Variants in VWA5A observed in about 807,000 individuals in gnomAD.
The protein encoded by VWA5A is von Willebrand factor A domain containing 5A, also known as von Willebrand factor A domain-containing protein 5A.
A neutral mutation model predicts 84.6 loss-of-function variants in VWA5A; 77 were observed. That is an observed-to-expected ratio of 0.91 (90% confidence interval 0.76 to 1.10). The LOEUF is 1.10. Among genes scored for constraint, VWA5A ranks in the 50% least tolerant of loss-of-function variants. The probability of loss-of-function intolerance (pLI) is 0.00; values close to 1 mark genes in which losing one functional copy is unlikely to be tolerated. For synonymous variants in VWA5A, 334 were observed against 350.1 expected, an observed-to-expected ratio of 0.95 and a Z score of 0.51; for missense variants, 973 against 963.0, an observed-to-expected ratio of 1.01 and a Z score of -0.14.
chr11:124,123,805 G>T lies in VWA5A; in HGVS notation c.1164+1G>T, dbSNP rs768491447. ...CTCCATCCCAGGCCACCCCCTACAG[G>T]TAAGAAGTGGAACAGAGCTAACAGA... On this transcript the variant is annotated splice_donor_variant, in intron 10 of 18. Coordinates refer to ENST00000456829, the MANE Select transcript of VWA5A (RefSeq NM_001130142.2). LOFTEE classifies it high-confidence loss of function. The T allele has an allele frequency of 6.4e-7, 1 of 1,561,482 alleles. No homozygotes were observed. Among genetic ancestry groups the T allele is most frequent in the Non-Finnish European group, 8.6e-7 (1 of 1,160,016 alleles).
intron 18 of VWA5A, 26 bp downstream of exon 18, chr11:124,145,389 C>T: frequency 6.3e-7 from 1 of 1,586,224 alleles, no homozygotes; most frequent in Non-Finnish European, 8.6e-7. Flanking sequence ...TAAGGCCTGT[C>T]TCCTTCCCCT....
intron 18 of VWA5A, 62 bp downstream of exon 18, chr11:124,145,425 C>T: frequency 6.6e-7 from 1 of 1,521,936 alleles, no homozygotes; most frequent in East Asian, 2.3e-5. Flanking sequence ...AAGGTGACCA[C>T]AAGAGAGTCC....
At position 124,132,234 on chromosome 11, in the gene VWA5A, C is replaced by T. The variant is rs192717940; in HGVS notation, c.1245-2686C>T. On this transcript the variant is annotated intron_variant, in intron 11 of 18. Transcript: ENST00000456829. ...TATTAATCTCTTTCATATATTTTTT[C>T]ATTCAGTTGGATAATACTTTTTTCA... 2.1e-3 allele frequency among the ~76,000 whole-genome samples: 316 copies of T among 152,026 alleles called. 2 individuals are homozygous for T. The highest frequency in any genetic ancestry group is 4.6e-3 in the Admixed American group (70 of 15,282).
chr11:124,118,970 C>T lies in VWA5A; in HGVS notation c.646-5C>T. 1 of 1,613,618 alleles carries T rather than the reference C, an allele frequency of 6.2e-7. No homozygotes were observed. Among genetic ancestry groups the T allele is most frequent in the Non-Finnish European group, 8.5e-7 (1 of 1,179,626 alleles). On this transcript the variant is annotated splice_polypyrimidine_tract_variant and splice_region_variant and intron_variant, in intron 6 of 18. Transcript: ENST00000456829. ...ATGTGGCTCCTTTACCTGTCCTCCA[C>T]TCAGGTTTCCCTGGCTGCTGGACAC...
intron 15 of VWA5A, among the ~76,000 whole-genome samples, chr11:124,139,593 G>A (rs560479438): frequency 6.6e-6 from 1 of 152,122 alleles, no homozygotes; most frequent in South Asian, 2.1e-4. Flanking sequence ...GTTTGAGAGA[G>A]CTTGCTGTTT....
Position 124,136,715 on chromosome 11 carries a change from TC to T in VWA5A, c.1625+43del, listed in dbSNP as rs759583240. ...TCCCTTCCTTCCTTCCTTCCTTCCTTCCTTCCTTCCTTCCTTCCTTCCTTCC... is the reference window on the plus strand; with the variant it reads ...TCCCTTCCTTCCTTCCTTCCTTCCTTCTTCCTTCCTTCCTTCCTTCCTTCC... On this transcript the variant is annotated intron_variant, in intron 14 of 18. Coordinates refer to ENST00000456829, the MANE Select transcript of VWA5A (RefSeq NM_001130142.2). 1.4e-4 allele frequency: 154 copies of T among 1,132,706 alleles called. 3 individuals carry two copies. The African/African-American group carries it at 2.2e-3, about 17-fold the overall frequency. 70.2% of individuals were successfully genotyped at this position (1,132,706 alleles called of 1,614,324 possible).
chr11:124,126,084 T>C (rs1389902514), intron 11 of VWA5A, among the ~76,000 whole-genome samples: 11 of 152,214 alleles, frequency 7.2e-5, no homozygotes, highest in Non-Finnish European at 5.9e-5. Context: ...TTCCATTGCA[T>C]TGGTCTATTC....
At chr11:124,134,243 G>A (rs1865139736) in intron 11 of VWA5A, among the ~76,000 whole-genome samples, 2 of 152,164 alleles carry the variant, frequency 1.3e-5, no homozygotes, top group Admixed American at 1.3e-4. Flanking sequence ...CTAGACTTGG[G>A]GATGATGGCT....
At chr11:124,138,190 C>T (rs532464683) in intron 15 of VWA5A, among the ~76,000 whole-genome samples, 1 of 152,252 alleles carries the variant, frequency 6.6e-6, no homozygotes, top group East Asian at 1.9e-4. Context: ...ATATATAGTA[C>T]ATTTTCATCA....
At chr11:124,145,473 T>C (rs1860803285) in intron 18 of VWA5A, 110 bp downstream of exon 18, 1 of 1,388,524 alleles carries the variant, frequency 7.2e-7, no homozygotes, top group East Asian at 2.5e-5. Context: ...TTCAGATCTT[T>C]ACTAATCTTT....
chr11:124,137,056 C>T lies in VWA5A; in HGVS notation c.1667C>T (p.Thr556Ile), dbSNP rs1388990806. The T allele has an allele frequency of 3.1e-6, 5 of 1,613,326 alleles. No homozygotes were observed. Among genetic ancestry groups the T allele is most frequent in the Middle Eastern group, 1.7e-4 (1 of 6,054 alleles). ...HRLAAKSLLQTKDMGLRETPA... is the reference protein window; with the variant it reads ...HRLAAKSLLQIKDMGLRETPA... Reference sequence around the variant, plus strand: ...CTTGCTGCCAAGTCCTTGCTCCAGACCAAGGACATGGGCCTCAGGGAGACT... The same window carrying T: ...CTTGCTGCCAAGTCCTTGCTCCAGATCAAGGACATGGGCCTCAGGGAGACT... The change falls in exon 15 of 19, where the codon ACC (threonine) becomes ATC (isoleucine). Residue 556 changes from threonine (T) to isoleucine (I), a missense_variant. Physicochemically the swap from Thr to Ile is moderately conservative, Grantham distance 89. Coordinates refer to ENST00000456829, the MANE Select transcript of VWA5A (RefSeq NM_001130142.2).
chr11:124,124,743 A>C, intron 11 of VWA5A: 1 of 182,586 alleles, frequency 5.5e-6, no homozygotes, highest in Non-Finnish European at 1.0e-5. Flanking sequence ...ATCATGTCCT[A>C]TTCCCTGTCA....
chr11:124,123,094 C>G lies in VWA5A; in HGVS notation c.895C>G (p.Gln299Glu), dbSNP rs1165957151. The G allele has an allele frequency of 6.2e-7, 1 of 1,613,480 alleles. No individual in the cohort carries two copies. Among genetic ancestry groups the G allele is most frequent in the Non-Finnish European group, 8.5e-7 (1 of 1,179,924 alleles). Residue 299 changes from glutamine to glutamate, a missense_variant, in exon 8 of 19, where the codon CAG becomes GAG. Transcript: ENST00000456829. ...AAGTATGCAGAGCCCCATGAGTAGC[C>G]AGGATACATCTCAGCTGCGAATACA... ...SGSMQSPMSS[Q>E]DTSQLRIQAA...
At chr11:124,144,720 TA>T (rs1860787616) in intron 17 of VWA5A, among the ~76,000 whole-genome samples, 1 of 152,228 alleles carries the variant, frequency 6.6e-6, no homozygotes, top group Non-Finnish European at 1.5e-5. Flanking sequence ...TATTGAGAAA[TA>T]AGAGAATATA....
At chr11:124,141,399 G>A (rs576517938) in intron 15 of VWA5A, among the ~76,000 whole-genome samples, 199 bp from the exon 16 acceptor site, 1 of 152,250 alleles carries the variant, frequency 6.6e-6, no homozygotes, top group South Asian at 2.1e-4. Flanking sequence ...TGTGCCAGGG[G>A]TTCCAGAGGA....
chr11:124,117,705 A>G lies in VWA5A; in HGVS notation c.76A>G (p.Ile26Val). The change falls in exon 4 of 19, where the codon ATT becomes GTT. Residue 26 changes from isoleucine to valine, a missense_variant. Ile to Val is a conservative substitution (Grantham distance 29). Transcript: ENST00000456829. Reference sequence around the variant, plus strand: ...GAAGAGTATCTCTGTGAGCGTGAACATTTACGAGTTTGTGGCTGGTGTGTC... The same window carrying G: ...GAAGAGTATCTCTGTGAGCGTGAACGTTTACGAGTTTGTGGCTGGTGTGTC... ...PLKSISVSVN[I>V]YEFVAGVSAT... The G allele has an allele frequency of 6.2e-7, 1 of 1,614,200 alleles. No individual in the cohort carries two copies. The highest frequency in any genetic ancestry group is 8.5e-7 in the Non-Finnish European group (1 of 1,180,046).
At chr11:124,129,913 T>C (rs1865073309) in intron 11 of VWA5A, among the ~76,000 whole-genome samples, 1 of 152,194 alleles carries the variant, frequency 6.6e-6, no homozygotes, top group African/African-American at 2.4e-5. Context: ...ATTTTGTTAA[T>C]CTTTTCAAAA....
chr11:124,117,677 G>T lies in VWA5A; in HGVS notation c.48G>T (p.Pro16=). The change falls in exon 4 of 19, where the codon CCG becomes CCT. Residue 16 remains proline, a synonymous_variant. Transcript: ENST00000456829. ...TGAACTCTGGTCTATCTCCAGTGCC[G>T]CTGAAGAGTATCTCTGTGAGCGTGA... ...GLLTLHREPV[P]LKSISVSVNI... 1 of 1,614,190 alleles carries T rather than the reference G, an allele frequency of 6.2e-7. No homozygotes were observed. Among genetic ancestry groups the T allele is most frequent in the Non-Finnish European group, 8.5e-7 (1 of 1,180,028 alleles).
rs566211851 is a variant in VWA5A at position 124,115,465 on chromosome 11, G to C, written c.-148G>C. The C allele has an allele frequency of 2.0e-5, 3 of 152,232 alleles. No individual in the cohort carries two copies. Among genetic ancestry groups the C allele is most frequent in the East Asian group, 1.9e-4 (1 of 5,158 alleles). 9.4% of individuals were successfully genotyped at this position (152,232 alleles called of 1,614,324 possible). ...ACTCCGCTGTGACTCAGAGCGCTCC[G>C]GGCTGCAGGAGAGGAAGGTAGGGGA... On this transcript the variant is annotated 5_prime_UTR_variant, in exon 1 of 19. Coordinates refer to ENST00000456829, the MANE Select transcript of VWA5A (RefSeq NM_001130142.2).
Sources: allele counts gnomAD v4.1 joint callset (sites outside exome capture counted in the v4.1 genomes callset), GRCh38; gene constraint gnomAD v4.1.1; transcripts MANE v1.5; gene names NCBI Gene and HGNC (gene_info 2026-07-23, HGNC 2026-07-21).